The following IGF1R variants were observed in gnomAD, a reference collection of about 807,000 sequenced individuals.
The protein encoded by IGF1R is insulin-like growth factor 1 receptor.
IGF1R carries 44 observed loss-of-function variants against 144.6 expected under a neutral mutation model. That is an observed-to-expected ratio of 0.30 (90% CI 0.24 to 0.39). The LOEUF (loss-of-function observed/expected upper bound fraction) is 0.39, where lower values mean the gene tolerates loss of function less well. Ranked by LOEUF, IGF1R falls within the 10% of genes least tolerant of loss-of-function variation. The pLI, the probability that IGF1R is intolerant of heterozygous loss-of-function variation, is 1.00. For synonymous variants in IGF1R, 795 were observed against 722.8 expected, an observed-to-expected ratio of 1.10 and a Z score of -1.60; for missense variants, 1,355 against 1,833.7, an observed-to-expected ratio of 0.74 and a Z score of 4.77.
intron 1 of IGF1R, among the ~76,000 whole-genome samples, chr15:98,659,938 G>A (rs542607995): frequency 6.6e-6 from 1 of 151,804 alleles, no homozygotes; most frequent in South Asian, 2.1e-4. Flanking sequence ...AATACATCCA[G>A]TGTTGTGTTA....
Position 98,796,088 on chromosome 15 carries a change from G to A in IGF1R, c.640+87981G>A, listed in dbSNP as rs1337576113. Among the ~76,000 whole-genome samples the A allele has an allele frequency of 3.3e-5, 5 of 152,318 alleles. No homozygotes were observed. In the East Asian group the frequency reaches 9.7e-4, roughly 29 times the overall value. On this transcript the variant is annotated intron_variant, in intron 2 of 20. Coordinates refer to ENST00000650285, the MANE Select transcript of IGF1R (RefSeq NM_000875.5). ...AGCTCTCAGCAGACACAGATCCCCAGCACATATGAACGTGAAAGAGGCTTC... is the reference window on the plus strand; with the variant it reads ...AGCTCTCAGCAGACACAGATCCCCAACACATATGAACGTGAAAGAGGCTTC...
chr15:98,916,405 G>A (rs2015250863), intron 9 of IGF1R: 2 of 559,960 alleles, frequency 3.6e-6, no homozygotes, highest in Non-Finnish European at 6.4e-6. Context: ...GGGATTACAG[G>A]CATGCACCAC....
At chr15:98,778,443 T>C (rs1006290883) in intron 2 of IGF1R, among the ~76,000 whole-genome samples, 5 of 152,208 alleles carry the variant, frequency 3.3e-5, no homozygotes, top group Admixed American at 3.3e-4. Context: ...ACTTCACAGA[T>C]GAGAAGACTG....
At chr15:98,927,415 T>C (rs905772490) in intron 13 of IGF1R, among the ~76,000 whole-genome samples, 1 of 152,244 alleles carries the variant, frequency 6.6e-6, no homozygotes, top group Non-Finnish European at 1.5e-5. Flanking sequence ...GATGAAATAA[T>C]CTCAGGTCTT....
chr15:98,823,104 G>A (rs1381427128), intron 2 of IGF1R, among the ~76,000 whole-genome samples: 1 of 152,182 alleles, frequency 6.6e-6, no homozygotes, highest in Non-Finnish European at 1.5e-5. Context: ...CCATTGTGGT[G>A]TTGATTGAAA....
In IGF1R at chr15:98,864,571, G is replaced by A. The variant is rs920805956; in HGVS notation, c.641-26754G>A. Among the ~76,000 whole-genome samples, 7 of 152,198 alleles carry A rather than the reference G, an allele frequency of 4.6e-5. No individual in the cohort carries two copies. The South Asian group carries it at 1.2e-3, about 27-fold the overall frequency. The stretch of plus-strand genomic sequence containing the variant: ...TGCCCAGCTAATTTTTTAATTTTTC[G>A]TAGAGATGGGGTCTGTGTTGCCCAG... On this transcript the variant is annotated intron_variant, in intron 2 of 20. Coordinates refer to ENST00000650285, the MANE Select transcript of IGF1R (RefSeq NM_000875.5).
intron 13 of IGF1R, among the ~76,000 whole-genome samples, chr15:98,925,345 T>C (rs567030203): frequency 1.2e-4 from 19 of 152,368 alleles, no homozygotes; most frequent in African/African-American, 4.6e-4. Flanking sequence ...AATTATAAGA[T>C]GTATAAGCGC....
intron 1 of IGF1R, among the ~76,000 whole-genome samples, chr15:98,702,966 A>G (rs1387861115): frequency 2.6e-5 from 4 of 152,072 alleles, no homozygotes; most frequent in South Asian, 2.1e-4. Flanking sequence ...ATAAAATGAC[A>G]TCTTTGGAGA....
At chr15:98,736,816 T>C (rs1310667396) in intron 2 of IGF1R, among the ~76,000 whole-genome samples, 1 of 152,084 alleles carries the variant, frequency 6.6e-6, no homozygotes, top group Non-Finnish European at 1.5e-5. Flanking sequence ...TTCACCATGT[T>C]GCCCAGGCTG....
chr15:98,878,573 A>G (rs2013177591), intron 2 of IGF1R, among the ~76,000 whole-genome samples: 1 of 147,602 alleles, frequency 6.8e-6, no homozygotes, highest in African/African-American at 2.5e-5. Context: ...GTCTTTACGT[A>G]CACATGCCTG....
intron 10 of IGF1R, among the ~76,000 whole-genome samples, chr15:98,917,861 C>T (rs140320935): frequency 2.0e-5 from 3 of 152,192 alleles, no homozygotes; most frequent in African/African-American, 7.2e-5. Context: ...GGAATTATTC[C>T]ATAATCGATA....
intron 2 of IGF1R, among the ~76,000 whole-genome samples, chr15:98,799,915 G>A (rs1041520630): frequency 2.0e-5 from 3 of 152,162 alleles, no homozygotes; most frequent in South Asian, 4.1e-4. Flanking sequence ...TCAATTCACC[G>A]GAAGACTGCT....
At chr15:98,669,583 G>T (rs2052835036) in intron 1 of IGF1R, among the ~76,000 whole-genome samples, 1 of 152,206 alleles carries the variant, frequency 6.6e-6, no homozygotes, top group Admixed American at 6.5e-5. Flanking sequence ...TGACAGGGCG[G>T]GTCATCGAGT....
intron 1 of IGF1R, among the ~76,000 whole-genome samples, chr15:98,688,998 G>A (rs761228468): frequency 1.3e-5 from 2 of 152,164 alleles, no homozygotes; most frequent in Non-Finnish European, 2.9e-5. Context: ...TGGCTGCCCA[G>A]ATGTTAACAT....
intron 15 of IGF1R, among the ~76,000 whole-genome samples, chr15:98,932,004 G>A (rs1596465476): frequency 6.6e-6 from 1 of 152,214 alleles, no homozygotes; most frequent in Non-Finnish European, 1.5e-5. Context: ...GTGACTCTAC[G>A]AGAGAAGCTA....
At chr15:98,810,264 A>AT (rs1421294230) in intron 2 of IGF1R, among the ~76,000 whole-genome samples, 1 of 152,060 alleles carries the variant, frequency 6.6e-6, no homozygotes, top group Non-Finnish European at 1.5e-5. Flanking sequence ...TGGTATCTGT[A>AT]TTACATCCAC....
chr15:98,663,539 C>G (rs796632334), intron 1 of IGF1R, among the ~76,000 whole-genome samples: 3 of 152,358 alleles, frequency 2.0e-5, no homozygotes, highest in African/African-American at 7.2e-5. Flanking sequence ...GTAATACGCC[C>G]TCCTATTGTG....
intron 19 of IGF1R, among the ~76,000 whole-genome samples, chr15:98,946,215 G>T (rs891652338): frequency 3.3e-5 from 5 of 151,716 alleles, no homozygotes; most frequent in Admixed American, 6.6e-5. Flanking sequence ...GGGCAGGGGT[G>T]GGGGGTTCCT....
At chr15:98,841,671 C>T (rs2011176630) in intron 2 of IGF1R, among the ~76,000 whole-genome samples, 1 of 152,194 alleles carries the variant, frequency 6.6e-6, no homozygotes, top group African/African-American at 2.4e-5. Context: ...TTTCAAAATA[C>T]AGAAACAAAC....
Sources: allele counts gnomAD v4.1 joint callset (sites outside exome capture counted in the v4.1 genomes callset), GRCh38; gene constraint gnomAD v4.1.1; transcripts MANE v1.5; gene names NCBI Gene and HGNC (gene_info 2026-07-23, HGNC 2026-07-21).